PCLO: variants seen among roughly 807,000 people sequenced by gnomAD.
PCLO encodes the protein protein piccolo.
A neutral mutation model predicts 427.5 loss-of-function variants in PCLO; 82 were observed. That is an observed-to-expected ratio of 0.19 (90% confidence interval 0.16 to 0.23). The LOEUF is 0.23. Among genes scored for constraint, PCLO ranks in the 10% least tolerant of loss-of-function variants. PCLO has a pLI of 1.00. For synonymous variants in PCLO, 2,357 were observed against 2,155.4 expected (o/e 1.09, Z -2.59); for missense variants, 6,239 against 6,115.9 (o/e 1.02, Z -0.67).
chr7:82,799,190 A>T (rs1791290105), intron 22 of PCLO, among the ~76,000 whole-genome samples: 1 of 152,250 alleles, frequency 6.6e-6, no homozygotes, highest in Non-Finnish European at 1.5e-5. Flanking sequence ...TTCACTATAT[A>T]TCTAAATTCT....
chr7:83,108,628 A>C (rs1790927029), intron 3 of PCLO, among the ~76,000 whole-genome samples: 1 of 152,090 alleles, frequency 6.6e-6, no homozygotes, highest in African/African-American at 2.4e-5. Flanking sequence ...TTTAATCATT[A>C]AAGTCACAAA....
At chr7:82,973,662 G>A (rs1020718763) in intron 3 of PCLO, among the ~76,000 whole-genome samples, 2 of 151,590 alleles carry the variant, frequency 1.3e-5, no homozygotes, top group African/African-American at 4.9e-5. Context: ...AACAAATGAA[G>A]TCTCTTTGTT....
chr7:82,816,288 A>C (rs867418635), intron 20 of PCLO, among the ~76,000 whole-genome samples: 2 of 152,246 alleles, frequency 1.3e-5, no homozygotes, highest in African/African-American at 2.4e-5. Context: ...TATTAAATCA[A>C]CAATTAGTGT....
intron 9 of PCLO, among the ~76,000 whole-genome samples, chr7:82,893,437 G>A (rs373043011): frequency 6.6e-6 from 1 of 152,104 alleles, no homozygotes; most frequent in East Asian, 1.9e-4. Context: ...GTCAGGGAAG[G>A]GGGGAGGGAT....
At position 83,093,488 on chromosome 7, in the gene PCLO, A is replaced by AT. The variant is rs1322277167; in HGVS notation, c.3300+40761dup. On this transcript the variant is annotated intron_variant, in intron 3 of 24. Transcript: ENST00000333891. The stretch of plus-strand genomic sequence containing the variant: ...TGTGTGTGTGTATAGATATATATAT[A>AT]TATATTTTTTTTTTTTTTTTTTGAG... 7.2e-4 allele frequency among the ~76,000 whole-genome samples: 50 copies of AT among 69,336 alleles called. 1 individual carries two copies. The highest frequency in any genetic ancestry group is 1.5e-3 in the South Asian group (4 of 2,610). The allele number at this position is 69,336 out of a possible 152,430, so 45.5% of individuals were successfully genotyped here.
chr7:83,078,634 C>T (rs1272148568), intron 3 of PCLO, among the ~76,000 whole-genome samples: 1 of 151,878 alleles, frequency 6.6e-6, no homozygotes, highest in Non-Finnish European at 1.5e-5. Flanking sequence ...CGGGTTCAAG[C>T]AATTCTCCTG....
At chr7:83,015,871 A>G (rs1166029153) in intron 3 of PCLO, among the ~76,000 whole-genome samples, 2 of 152,200 alleles carry the variant, frequency 1.3e-5, no homozygotes, top group African/African-American at 2.4e-5. Flanking sequence ...CCTAAAGAAC[A>G]TATGTTTTTT....
In PCLO at chr7:82,824,376, G is replaced by A; in HGVS notation, c.14456C>T (p.Thr4819Ile). 6.2e-7 allele frequency: 1 copy of A among 1,612,216 alleles called. No homozygotes were observed. Among genetic ancestry groups the A allele is most frequent in the Non-Finnish European group, 8.5e-7 (1 of 1,178,816 alleles). The change falls in exon 19 of 25, where the codon ACT becomes ATT. Residue 4819 changes from threonine (T) to isoleucine (I), a missense_variant. Physicochemically the swap from Thr to Ile is moderately conservative, Grantham distance 89. Transcript: ENST00000333891. The stretch of plus-strand genomic sequence containing the variant: ...TTCTTTGAGAGGATACCACCTTGGA[G>A]TGTTATCGAGGTGAGATGTGCTAGA... ...DLSSTSHLDN[T>I]PRWYPLKEQT...
At chr7:83,006,232 A>G (rs1460090035) in intron 3 of PCLO, among the ~76,000 whole-genome samples, 2 of 151,676 alleles carry the variant, frequency 1.3e-5, no homozygotes, top group Non-Finnish European at 3.0e-5. Flanking sequence ...TAAGTTTAAA[A>G]GATATTCGTG....
intron 10 of PCLO, among the ~76,000 whole-genome samples, chr7:82,857,837 G>A (rs1416525358): frequency 6.6e-6 from 1 of 152,008 alleles, no homozygotes; most frequent in Middle Eastern, 3.2e-3. Flanking sequence ...GAGGAGAGAG[G>A]TTTTATCACA....
intron 10 of PCLO, chr7:82,868,027 T>A (rs4628206): frequency 0.82 from 330,497 of 402,850 alleles, 137,356 homozygotes; most frequent in African/African-American, 0.96. Flanking sequence ...ATCAACATGA[T>A]ATGTGGTCTG....
intron 3 of PCLO, among the ~76,000 whole-genome samples, chr7:83,101,294 T>TATAA (rs139089337): frequency 0.46 from 69,416 of 151,478 alleles, 16,302 homozygotes; most frequent in East Asian, 0.71. Context: ...ACAGTAAAGA[T>TATAA]ATAAAACAGG....
At chr7:83,159,559 C>A (rs994465353) in intron 1 of PCLO, among the ~76,000 whole-genome samples, 3 of 151,994 alleles carry the variant, frequency 2.0e-5, no homozygotes, top group Non-Finnish European at 4.4e-5. Context: ...CTACACCTCC[C>A]TTTTCATTTT....
At chr7:83,042,591 T>TG (rs1261113800) in intron 3 of PCLO, among the ~76,000 whole-genome samples, 1 of 152,156 alleles carries the variant, frequency 6.6e-6, no homozygotes, top group African/African-American at 2.4e-5. Flanking sequence ...CTGGGCACGG[T>TG]GGCTCAAGCC....
intron 3 of PCLO, among the ~76,000 whole-genome samples, chr7:83,048,601 A>C (rs1789158749): frequency 6.6e-6 from 1 of 152,162 alleles, no homozygotes; most frequent in African/African-American, 2.4e-5. Flanking sequence ...GGTAACTGCA[A>C]ATTTACTTGA....
At chr7:82,816,313 T>TA (rs1791678107) in intron 20 of PCLO, among the ~76,000 whole-genome samples, 1 of 152,100 alleles carries the variant, frequency 6.6e-6, no homozygotes, top group Admixed American at 6.6e-5. Context: ...GGCATTCCTC[T>TA]ACCACTCCTT....
At chr7:82,768,543 ACT>A (rs1160830375) in intron 22 of PCLO, among the ~76,000 whole-genome samples, 7 of 152,152 alleles carry the variant, frequency 4.6e-5, no homozygotes, top group Admixed American at 1.3e-4. Context: ...ATTGAAATTA[ACT>A]CATTCATTTT....
intron 3 of PCLO, among the ~76,000 whole-genome samples, chr7:83,048,921 G>A (rs1306685801): frequency 1.3e-5 from 2 of 152,078 alleles, no homozygotes; most frequent in Non-Finnish European, 2.9e-5. Flanking sequence ...GTATGATCAT[G>A]TATTTCTTAT....
intron 3 of PCLO, among the ~76,000 whole-genome samples, chr7:83,075,493 A>T (rs1789928433): frequency 6.6e-6 from 1 of 152,172 alleles, no homozygotes; most frequent in African/African-American, 2.4e-5. Flanking sequence ...GACTGCAGTA[A>T]AGATAGTAAA....
Sources: gnomAD v4.1 joint callset for allele counts (sites outside exome capture counted in the v4.1 genomes callset) on GRCh38, gnomAD v4.1.1 for gene constraint, MANE v1.5 for transcripts, NCBI Gene and HGNC (gene_info 2026-07-23, HGNC 2026-07-21) for gene names.